The following BCL2 variants were observed in gnomAD, a reference collection of about 807,000 sequenced individuals.
The protein encoded by BCL2 is apoptosis regulator Bcl-2.
A neutral mutation model predicts 14.2 loss-of-function variants in BCL2; 1 was observed. The observed-to-expected ratio is 0.07, with a 90% confidence interval of 0.02 to 0.33. The LOEUF (loss-of-function observed/expected upper bound fraction) is 0.33. Ranked by LOEUF, BCL2 falls within the 10% of genes least tolerant of loss-of-function variation. BCL2 has a pLI of 0.99. For synonymous variants in BCL2, 151 were observed against 137.2 expected, an observed-to-expected ratio of 1.10 and a Z score of -0.70; for missense variants, 247 against 305.9, an observed-to-expected ratio of 0.81 and a Z score of 1.44.
chr18:63,291,034 C>CAA (rs761293134), intron 2 of BCL2, among the ~76,000 whole-genome samples: 1 of 152,252 alleles, frequency 6.6e-6, no homozygotes, highest in Non-Finnish European at 1.5e-5. Flanking sequence ...TAGCATGGAA[C>CAA]AAAAGCCTGA....
At chr18:63,243,748 G>A (rs1911078120) in intron 2 of BCL2, among the ~76,000 whole-genome samples, 1 of 152,106 alleles carries the variant, frequency 6.6e-6, no homozygotes, top group African/African-American at 2.4e-5. Context: ...CAAACCAATG[G>A]CTCAAGAGAA....
rs1912688977 is a variant in BCL2 at position 63,292,791 on chromosome 18, GTGAAGAAAGTGC to G, written c.585+25279_585+25290del. On this transcript the variant is annotated intron_variant, in intron 2 of 2. Coordinates refer to ENST00000333681, the MANE Select transcript of BCL2 (RefSeq NM_000633.3). Reference sequence around the variant, plus strand: ...GAAGACTCCCACTGCAGGAAACCCTGTGAAGAAAGTGCTGAAGAAAGCGCTCTCCCACCACGC... The same window carrying G: ...GAAGACTCCCACTGCAGGAAACCCTGTGAAGAAAGCGCTCTCCCACCACGC... Among the ~76,000 whole-genome samples the G allele has an allele frequency of 3.9e-5, 6 of 152,354 alleles. No individual in the cohort carries two copies. The South Asian group carries it at 1.2e-3, about 32-fold the overall frequency.
At chr18:63,195,503 CA>C in intron 2 of BCL2, among the ~76,000 whole-genome samples, 1 of 152,224 alleles carries the variant, frequency 6.6e-6, no homozygotes, top group Non-Finnish European at 1.5e-5. Context: ...TTGCAAGGTC[CA>C]AAAATCTTGA....
chr18:63,198,820 C>CACAT lies in BCL2; in HGVS notation c.586-70062_586-70061insATGT, dbSNP rs1555699186. 7.2e-4 allele frequency among the ~76,000 whole-genome samples: 27 copies of CACAT among 37,262 alleles called. 1 individual carries two copies. Among genetic ancestry groups the CACAT allele is most frequent in the African/African-American group, 3.0e-3 (26 of 8,680 alleles). 24.4% of individuals were successfully genotyped at this position (37,262 alleles called of 152,430 possible). A position where few individuals can be genotyped will look rare whatever the true frequency, so the allele number is the denominator to read the frequency against. On this transcript the variant is annotated intron_variant, in intron 2 of 2. Transcript: ENST00000333681. ...ACACACTGACACAGAGACACACAGA[C>CACAT]ACACAGACATACACAGACACACATA...
At chr18:63,242,163 C>T (rs954522079) in intron 2 of BCL2, among the ~76,000 whole-genome samples, 3 of 151,640 alleles carry the variant, frequency 2.0e-5, no homozygotes, top group Non-Finnish European at 4.4e-5. Context: ...CCAAGCTTCT[C>T]CTCAACACCA....
In BCL2 at chr18:63,272,439, A is replaced by G. The variant is rs540257029; in HGVS notation, c.585+45643T>C. ...GAGCATTTTAAATTGTACATTCTGT[A>G]GTGCATAATGGTTGGATAAAAAACA... On this transcript the variant is annotated intron_variant, in intron 2 of 2. Transcript: ENST00000333681. 2.6e-5 allele frequency among the ~76,000 whole-genome samples: 4 copies of G among 152,342 alleles called. No individual in the cohort carries two copies. The South Asian group carries it at 8.3e-4, about 32-fold the overall frequency.
chr18:63,307,179 C>G (rs1330891124), intron 2 of BCL2, among the ~76,000 whole-genome samples: 1 of 152,194 alleles, frequency 6.6e-6, no homozygotes, highest in Non-Finnish European at 1.5e-5. Context: ...TATCAATACC[C>G]TGTTGTGCCA....
At chr18:63,218,390 T>C (rs1000292418) in intron 2 of BCL2, among the ~76,000 whole-genome samples, 4 of 152,058 alleles carry the variant, frequency 2.6e-5, no homozygotes, top group Admixed American at 2.6e-4. Context: ...AGCAGAGAGG[T>C]AGAGAGAAGG....
At chr18:63,256,185 G>A (rs1158105589) in intron 2 of BCL2, among the ~76,000 whole-genome samples, 1 of 152,174 alleles carries the variant, frequency 6.6e-6, no homozygotes, top group Non-Finnish European at 1.5e-5. Context: ...CCTCAAGCTG[G>A]TAAAATATAT....
intron 2 of BCL2, among the ~76,000 whole-genome samples, chr18:63,166,857 T>C (rs1915058906): frequency 6.6e-6 from 1 of 152,246 alleles, no homozygotes; most frequent in South Asian, 2.1e-4. Flanking sequence ...ACTGATGTAC[T>C]TCCCTCCCCT....
At chr18:63,253,040 A>C (rs1911361040) in intron 2 of BCL2, among the ~76,000 whole-genome samples, 1 of 152,252 alleles carries the variant, frequency 6.6e-6, no homozygotes, top group Non-Finnish European at 1.5e-5. Context: ...CTTTAATGTT[A>C]ACTAGAATTA....
intron 2 of BCL2, among the ~76,000 whole-genome samples, chr18:63,294,399 T>C (rs1271194452): frequency 6.6e-6 from 1 of 152,180 alleles, no homozygotes; most frequent in Non-Finnish European, 1.5e-5. Flanking sequence ...CTGGGCAGGG[T>C]GGCTCACACC....
chr18:63,260,860 G>T (rs1002453672), intron 2 of BCL2, among the ~76,000 whole-genome samples: 2 of 151,850 alleles, frequency 1.3e-5, no homozygotes, highest in Non-Finnish European at 1.5e-5. Flanking sequence ...AAAAAATAGG[G>T]CAAAACAAGC....
chr18:63,158,132 C>T lies in BCL2; in HGVS notation c.586-29373G>A, dbSNP rs117398437. On this transcript the variant is annotated intron_variant, in intron 2 of 2. Coordinates refer to ENST00000333681, the MANE Select transcript of BCL2 (RefSeq NM_000633.3). ...AGGGTCACAAGCTGTACCCCAGAGG[C>T]TCGGGAGGCACCACTCGGTAGGAAG... Among the ~76,000 whole-genome samples, 33 of 152,196 alleles carry T rather than the reference C, an allele frequency of 2.2e-4. No homozygotes were observed. In the East Asian group the frequency reaches 6.2e-3, roughly 29 times the overall value.
intron 2 of BCL2, among the ~76,000 whole-genome samples, chr18:63,210,568 A>T (rs928754973): frequency 6.6e-6 from 1 of 152,228 alleles, no homozygotes; most frequent in African/African-American, 2.4e-5. Flanking sequence ...TAATTTAAAA[A>T]TCTGCATTGC....
intron 2 of BCL2, among the ~76,000 whole-genome samples, chr18:63,231,971 G>A (rs1205759599): frequency 6.6e-6 from 1 of 152,020 alleles, no homozygotes; most frequent in African/African-American, 2.4e-5. Flanking sequence ...TATAGTATTG[G>A]TGTAAATATA....
intron 2 of BCL2, among the ~76,000 whole-genome samples, chr18:63,160,556 C>A (rs2199937): frequency 1.3e-5 from 2 of 152,010 alleles, no homozygotes; most frequent in African/African-American, 4.8e-5. Context: ...GTTTCAACAC[C>A]GAGAGGAGTT....
chr18:63,146,348 G>A lies in BCL2; in HGVS notation c.586-17589C>T, dbSNP rs557659407. ...CCAGCCCGCCTCCTGGCAGAAGGAC[G>A]CTGGTCGTGGACACTGATGGGGAAA... On this transcript the variant is annotated intron_variant, in intron 2 of 2. Coordinates refer to ENST00000333681, the MANE Select transcript of BCL2 (RefSeq NM_000633.3). Among the ~76,000 whole-genome samples, 229 of 152,366 alleles carry A rather than the reference G, an allele frequency of 1.5e-3. 1 individual carries two copies. The highest frequency in any genetic ancestry group is 5.3e-3 in the African/African-American group (220 of 41,592).
chr18:63,161,935 G>A (rs967441999), intron 2 of BCL2: 2 of 152,202 alleles, frequency 1.3e-5, no homozygotes, highest in African/African-American at 2.4e-5. Context: ...AGCCTCACCA[G>A]CCGGTCCATG....
Sources: gnomAD v4.1 joint callset for allele counts (sites outside exome capture counted in the v4.1 genomes callset) on GRCh38, gnomAD v4.1.1 for gene constraint, MANE v1.5 for transcripts, NCBI Gene and HGNC (gene_info 2026-07-23, HGNC 2026-07-21) for gene names.